Variants in SOX5 observed in about 807,000 individuals in gnomAD.
SOX5 encodes the protein transcription factor SOX-5.
Under a neutral mutation model 92.0 loss-of-function variants are expected in SOX5, and 9 were observed. That is an observed-to-expected ratio of 0.10 (90% CI 0.06 to 0.17). SOX5 has a LOEUF of 0.17. SOX5 is among the 10% of genes least tolerant of loss of function. The pLI, the probability that SOX5 is intolerant of heterozygous loss-of-function variation, is 1.00. For missense variants in SOX5, 642 were observed against 944.5 expected (o/e 0.68, Z 4.20); for synonymous variants, 344 against 336.3 (o/e 1.02, Z -0.25).
chr12:23,733,661 C>G (rs1418432270), intron 6 of SOX5, among the ~76,000 whole-genome samples: 3 of 152,160 alleles, frequency 2.0e-5, no homozygotes, highest in African/African-American at 7.2e-5. Context: ...TAGGAGAAAT[C>G]TGGATGGCAA....
intron 11 of SOX5, among the ~76,000 whole-genome samples, chr12:23,546,666 G>C (rs1943188961): frequency 6.6e-6 from 1 of 152,108 alleles, no homozygotes. Context: ...GTATGCCTAA[G>C]GGATATATGC....
rs547915702 is a variant in SOX5, at chr12:23,582,524, C to T, written c.1165-6686G>A. 4.7e-4 allele frequency among the ~76,000 whole-genome samples: 71 copies of T among 152,226 alleles called. No individual in the cohort carries two copies. The South Asian group carries it at 0.014, about 30-fold the overall frequency. On this transcript the variant is annotated intron_variant, in intron 9 of 14. Coordinates refer to ENST00000451604, the MANE Select transcript of SOX5 (RefSeq NM_006940.6). ...GTAGGTTCCTAAAAATCAAGTCTAT[C>T]ATCTTACATAGCACATAGTCTTGAA... is the stretch of plus-strand genomic sequence containing the variant.
chr12:24,323,466 A>G (rs1950395000), intron 2 of SOX5, among the ~76,000 whole-genome samples: 1 of 151,918 alleles, frequency 6.6e-6, no homozygotes, highest in Non-Finnish European at 1.5e-5. Context: ...GTAACTTCAA[A>G]GAACCATTTT....
intron 1 of SOX5, among the ~76,000 whole-genome samples, chr12:24,515,460 G>A (rs549268541): frequency 2.0e-4 from 30 of 152,278 alleles, no homozygotes; most frequent in Non-Finnish European, 3.8e-4. Flanking sequence ...ATCATTGCCA[G>A]ATGTAACAGA....
chr12:23,893,755 G>A (rs1431524022), intron 2 of SOX5, among the ~76,000 whole-genome samples: 2 of 152,154 alleles, frequency 1.3e-5, no homozygotes, highest in African/African-American at 2.4e-5. Context: ...AATGCCAAAT[G>A]GAATGTCTGA....
intron 4 of SOX5, among the ~76,000 whole-genome samples, chr12:24,092,547 T>C (rs1039428567): frequency 5.9e-5 from 9 of 152,148 alleles, no homozygotes; most frequent in Admixed American, 5.2e-4. Flanking sequence ...TGCAGACTCT[T>C]TGACTGGAAG....
intron 2 of SOX5, among the ~76,000 whole-genome samples, chr12:24,338,182 A>G (rs1046627484): frequency 6.6e-6 from 1 of 152,176 alleles, no homozygotes; most frequent in African/African-American, 2.4e-5. Context: ...TAAGGCCTGC[A>G]TTTATAAAAA....
chr12:23,757,317 T>G (rs1567519596), intron 3 of SOX5, among the ~76,000 whole-genome samples: 2 of 151,986 alleles, frequency 1.3e-5, no homozygotes, highest in Non-Finnish European at 2.9e-5. Flanking sequence ...CCGAAAAATT[T>G]ACTTTTAAGT....
At chr12:23,739,557 G>C (rs1186736366) in intron 5 of SOX5, among the ~76,000 whole-genome samples, 1 of 152,072 alleles carries the variant, frequency 6.6e-6, no homozygotes, top group East Asian at 1.9e-4. Context: ...TTGCACTCCT[G>C]GCCCCACTTC....
chr12:23,704,679 TATGC>T (rs2091118150), intron 6 of SOX5, among the ~76,000 whole-genome samples: 1 of 94,258 alleles, frequency 1.1e-5, no homozygotes, highest in African/African-American at 3.8e-5. Flanking sequence ...TGGGCATATA[TATGC>T]ATGCATATAT....
chr12:23,971,374 A>G (rs7311088), intron 4 of SOX5, among the ~76,000 whole-genome samples: 146,845 of 151,284 alleles, frequency 0.97, 71,446 homozygotes, highest in East Asian at 1. Flanking sequence ...CACCTGCCTC[A>G]GCCTCCCAAA....
At chr12:24,458,868 A>ATAAGT (rs1943314731) in intron 1 of SOX5, among the ~76,000 whole-genome samples, 1 of 152,230 alleles carries the variant, frequency 6.6e-6, no homozygotes, top group South Asian at 2.1e-4. Context: ...GAATTCTAGA[A>ATAAGT]CATTCCAAGA....
intron 3 of SOX5, among the ~76,000 whole-genome samples, chr12:23,839,231 C>T (rs1423990683): frequency 1.3e-5 from 2 of 151,978 alleles, no homozygotes; most frequent in Non-Finnish European, 2.9e-5. Context: ...TTGGGACTTA[C>T]TCATGGGGAT....
chr12:23,703,612 C>T (rs188684036), intron 6 of SOX5, among the ~76,000 whole-genome samples: 15 of 151,964 alleles, frequency 9.9e-5, no homozygotes, highest in African/African-American at 3.4e-4. Context: ...ATGGATCCTT[C>T]AAGGTGACTG....
At chr12:23,697,249 T>G (rs919590145) in intron 6 of SOX5, among the ~76,000 whole-genome samples, 1 of 152,208 alleles carries the variant, frequency 6.6e-6, no homozygotes, top group Non-Finnish European at 1.5e-5. Flanking sequence ...GCTCTACTAT[T>G]AGTTACATAT....
At chr12:24,278,590 A>G (rs1304624533) in intron 2 of SOX5, among the ~76,000 whole-genome samples, 1 of 152,092 alleles carries the variant, frequency 6.6e-6, no homozygotes, top group Non-Finnish European at 1.5e-5. Flanking sequence ...ATGCATCTGT[A>G]GTCCCAGCTA....
At chr12:23,974,426 A>C (rs1278500169) in intron 4 of SOX5, among the ~76,000 whole-genome samples, 2 of 152,160 alleles carry the variant, frequency 1.3e-5, no homozygotes, top group African/African-American at 4.8e-5. Flanking sequence ...GGTGACCCAG[A>C]CAAATTCTAC....
At chr12:23,564,755 A>G (rs1468970048) in intron 10 of SOX5, among the ~76,000 whole-genome samples, 2 of 152,238 alleles carry the variant, frequency 1.3e-5, no homozygotes, top group Non-Finnish European at 2.9e-5. Context: ...CTTTGTCTCA[A>G]TTATGAATGT....
At chr12:23,913,986 C>T (rs1343921398) in intron 1 of SOX5, among the ~76,000 whole-genome samples, 1 of 152,128 alleles carries the variant, frequency 6.6e-6, no homozygotes, top group Admixed American at 6.6e-5. Context: ...CCAGGTAAAG[C>T]TTTGGAAAGG....
Sources: gnomAD v4.1 joint callset for allele counts (sites outside exome capture counted in the v4.1 genomes callset) on GRCh38, gnomAD v4.1.1 for gene constraint, MANE v1.5 for transcripts, NCBI Gene and HGNC (gene_info 2026-07-23, HGNC 2026-07-21) for gene names.